The following ARFRP1 variants were observed in gnomAD, a reference collection of about 807,000 sequenced individuals.
ARFRP1 encodes the protein ARF related protein 1, also known as ADP-ribosylation factor-related protein 1.
A neutral mutation model predicts 30.3 loss-of-function variants in ARFRP1; 19 were observed. The ratio of observed to expected loss-of-function variants is 0.63; its 90% CI spans 0.44 to 0.92. ARFRP1 has a LOEUF of 0.92. ARFRP1 is among the 40% of genes least tolerant of loss of function. The pLI, the probability that ARFRP1 is intolerant of heterozygous loss-of-function variation, is 0.00. For synonymous variants in ARFRP1, 133 were observed against 114.2 expected, an observed-to-expected ratio of 1.16 and a Z score of -1.05; for missense variants, 245 against 267.5, an observed-to-expected ratio of 0.92 and a Z score of 0.59.
rs1259391294 is a variant in ARFRP1, at chr20:63,698,973, C to G, written c.*1470G>C. On this transcript the variant is annotated 3_prime_UTR_variant, in exon 8 of 8. Transcript: ENST00000622789. ...CCCTAGTCGCCGGGGCCCACACTAA[C>G]CCCCCACTTATGAATTCCTCCCACT... 6.2e-6 allele frequency: 1 copy of G among 161,688 alleles called. No homozygotes were observed. The highest frequency in any genetic ancestry group is 1.7e-4 in the East Asian group (1 of 5,838). 10.0% of individuals were successfully genotyped at this position (161,688 alleles called of 1,614,324 possible).
At chr20:63,702,986 C>A (rs962542101) in intron 4 of ARFRP1, 3 of 152,328 alleles carry the variant, frequency 2.0e-5, no homozygotes, top group Middle Eastern at 3.2e-3. Flanking sequence ...CAAGACAGGG[C>A]ACAGCCCCTG....
chr20:63,700,224 A>C lies in ARFRP1; in HGVS notation c.*219T>G, dbSNP rs533633392. ...CGCCCTGTGGAAAGGCTGCCGCTGC[A>C]GGGCCTGGGCCAGCCGGGCTGCCAG... On this transcript the variant is annotated 3_prime_UTR_variant, in exon 8 of 8. Transcript: ENST00000622789. The C allele has an allele frequency of 3.1e-6, 2 of 647,514 alleles. No individual in the cohort carries two copies. 40.1% of individuals were successfully genotyped at this position (647,514 alleles called of 1,614,324 possible). A position where few individuals can be genotyped will look rare whatever the true frequency, so the allele number is the denominator to read the frequency against.
At position 63,707,111 on chromosome 20, in the gene ARFRP1, C is replaced by G. The variant is rs764092865; in HGVS notation, c.-6-14G>C. 3 of 1,590,296 alleles carry G rather than the reference C, an allele frequency of 1.9e-6. No individual in the cohort carries two copies. Among genetic ancestry groups the G allele is most frequent in the Non-Finnish European group, 2.6e-6 (3 of 1,168,662 alleles). On this transcript the variant is annotated splice_polypyrimidine_tract_variant and intron_variant, in intron 1 of 7. Transcript: ENST00000622789. ...GTACATCCTGCCCTGGGCACCCCAA[C>G]ATAGGTCAGTGTGCAGCCAGAAAGC...
At chr20:63,701,189 C>A (rs1224225052) in intron 6 of ARFRP1, 3 of 523,716 alleles carry the variant, frequency 5.7e-6, no homozygotes, top group Non-Finnish European at 1.2e-5. Flanking sequence ...CTGCCCCGTA[C>A]CAGATGTCCC....
intron 5 of ARFRP1, 46 bp downstream of exon 5, chr20:63,702,090 C>A (rs1381247438): frequency 1.3e-6 from 2 of 1,588,430 alleles, no homozygotes; most frequent in Non-Finnish European, 1.7e-6. Flanking sequence ...CTGGACCTGC[C>A]CCCACTCACC....
At chr20:63,702,333 G>A (rs1448725080) in intron 4 of ARFRP1, 116 bp from the exon 5 acceptor site, 3 of 950,452 alleles carry the variant, frequency 3.2e-6, no homozygotes, top group Non-Finnish European at 4.8e-6. Flanking sequence ...CAAGAGGGCA[G>A]CCCCCAACTG....
intron 6 of ARFRP1, 28 bp from the exon 7 acceptor site, chr20:63,700,730 G>A (rs775473470): frequency 8.1e-6 from 13 of 1,605,242 alleles, no homozygotes; most frequent in Non-Finnish European, 1.1e-5. Flanking sequence ...GTGAGGAGCA[G>A]CCCCCACGTC....
In ARFRP1 at chr20:63,702,221, G is replaced by A; in HGVS notation, c.265-4C>T. 2 of 1,611,334 alleles carry A rather than the reference G, an allele frequency of 1.2e-6. No individual in the cohort carries two copies. Among genetic ancestry groups the A allele is most frequent in the East Asian group, 2.2e-5 (1 of 44,874 alleles). ...CGCCGTGACACTCCGCATAATACTG[G>A]GAGGAAGCACCAGGAGTTGGGGCTC... On this transcript the variant is annotated splice_region_variant and splice_polypyrimidine_tract_variant and intron_variant, in intron 4 of 7. Transcript: ENST00000622789.
intron 3 of ARFRP1, 70 bp downstream of exon 3, chr20:63,706,581 G>C (rs1429843180): frequency 5.2e-6 from 8 of 1,525,864 alleles, no homozygotes; most frequent in Non-Finnish European, 7.3e-6. Context: ...GTGGCCACGG[G>C]CCAGCTGGAC....
intron 4 of ARFRP1, chr20:63,704,114 CAT>C (rs1398205862): frequency 6.6e-6 from 1 of 152,300 alleles, no homozygotes; most frequent in African/African-American, 2.4e-5. Context: ...ACATGCCACA[CAT>C]GTGGACACCA....
chr20:63,701,102 G>A (rs763514475), intron 6 of ARFRP1: 3 of 404,882 alleles, frequency 7.4e-6, no homozygotes, highest in Non-Finnish European at 1.0e-5. Flanking sequence ...TGCAGTCATG[G>A]TGGCTTCTGC....
intron 4 of ARFRP1, 130 bp downstream of exon 4, chr20:63,706,227 C>G (rs1340949281): frequency 2.7e-5 from 23 of 850,206 alleles, no homozygotes; most frequent in Non-Finnish European, 4.4e-5. Flanking sequence ...GAACCTGGGA[C>G]AGGACCAGAG....
chr20:63,705,338 C>G (rs2091402164), intron 4 of ARFRP1: 1 of 189,626 alleles, frequency 5.3e-6, no homozygotes, highest in Non-Finnish European at 1.1e-5. Flanking sequence ...GCACTCAGCT[C>G]TAGAGATGGC....
chr20:63,702,470 G>A, intron 4 of ARFRP1: 1 of 528,798 alleles, frequency 1.9e-6, no homozygotes, highest in African/African-American at 1.9e-5. Context: ...GACAGGGATT[G>A]GGCCAGGCGT....
chr20:63,707,359 A>C, intron 1 of ARFRP1: 2 of 407,490 alleles, frequency 4.9e-6, no homozygotes, highest in Non-Finnish European at 9.0e-6. Flanking sequence ...TCGCGGGACT[A>C]CCCAGCCGGG....
intron 2 of ARFRP1, 55 bp downstream of exon 2, chr20:63,706,944 G>T (rs1425283073): frequency 7.5e-6 from 12 of 1,599,462 alleles, no homozygotes; most frequent in Non-Finnish European, 8.5e-6. Context: ...GCACAAAACC[G>T]AAGGGGGCGC....
chr20:63,706,623 A>C (rs1302770184), intron 3 of ARFRP1, 28 bp downstream of exon 3: 1 of 1,580,862 alleles, frequency 6.3e-7, no homozygotes, highest in Non-Finnish European at 8.7e-7. Flanking sequence ...AAGGCCCCAA[A>C]CCCACAGCCT....
intron 6 of ARFRP1, chr20:63,701,204 G>T (rs149205314): frequency 7.6e-5 from 40 of 528,684 alleles, no homozygotes; most frequent in African/African-American, 7.5e-4. Context: ...TGTCCCTCTT[G>T]TCGGCTGAGA....
chr20:63,700,545 G>C lies in ARFRP1; in HGVS notation c.519-15C>G. On this transcript the variant is annotated splice_polypyrimidine_tract_variant and intron_variant, in intron 7 of 7. Coordinates refer to ENST00000622789, the MANE Select transcript of ARFRP1 (RefSeq NM_001267547.3). The stretch of plus-strand genomic sequence containing the variant: ...GCACCCCTTTGCTGTGAAGACAGCG[G>C]GTGTGAGGCGGGGGGTCTCGGTCCC... The C allele has an allele frequency of 6.2e-7, 1 of 1,610,790 alleles. No individual in the cohort carries two copies. The highest frequency in any genetic ancestry group is 8.5e-7 in the Non-Finnish European group (1 of 1,179,856).
Sources: allele counts gnomAD v4.1 joint callset, GRCh38; gene constraint gnomAD v4.1.1; transcripts MANE v1.5; gene names NCBI Gene and HGNC (gene_info 2026-07-23, HGNC 2026-07-21).